The following NDST3 variants were observed in gnomAD, a reference collection of about 807,000 sequenced individuals.
The protein encoded by NDST3 is bifunctional heparan sulfate N-deacetylase/N-sulfotransferase 3.
Under a neutral mutation model 96.1 loss-of-function variants are expected in NDST3, and 58 were observed. The ratio of observed to expected loss-of-function variants is 0.60; its 90% CI spans 0.49 to 0.75. NDST3 has a LOEUF of 0.75. Ranked by LOEUF, NDST3 falls within the 30% of genes least tolerant of loss-of-function variation. The probability of loss-of-function intolerance (pLI) is 0.00; values close to 1 mark genes in which losing one functional copy is unlikely to be tolerated. For synonymous variants in NDST3, 333 were observed against 359.7 expected (o/e 0.93, Z 0.84); for missense variants, 788 against 1,034.2 (o/e 0.76, Z 3.27).
At chr4:118,195,102 C>T (rs1737580234) in intron 6 of NDST3, among the ~76,000 whole-genome samples, 1 of 152,156 alleles carries the variant, frequency 6.6e-6, no homozygotes, top group African/African-American at 2.4e-5. Flanking sequence ...GTGATATTGA[C>T]ATTTTAACAA....
intron 6 of NDST3, among the ~76,000 whole-genome samples, chr4:118,187,663 C>T (rs1737053580): frequency 1.3e-5 from 2 of 152,230 alleles, no homozygotes; most frequent in Admixed American, 6.5e-5. Flanking sequence ...TTGTTAGAGA[C>T]ATAAGCAAGA....
intron 6 of NDST3, among the ~76,000 whole-genome samples, chr4:118,190,027 A>G (rs1295025260): frequency 6.6e-6 from 1 of 152,010 alleles, no homozygotes; most frequent in African/African-American, 2.4e-5. Flanking sequence ...AACTAGATAA[A>G]AAAAATTTTA....
At chr4:118,152,569 A>T (rs1024770970) in intron 6 of NDST3, among the ~76,000 whole-genome samples, 23 of 152,166 alleles carry the variant, frequency 1.5e-4, no homozygotes, top group African/African-American at 5.3e-4. Context: ...TATTTTTCTG[A>T]TGAGGTCGCT....
intron 1 of NDST3, 72 bp from the exon 2 acceptor site, chr4:118,053,684 A>AG: frequency 2.2e-6 from 1 of 449,016 alleles, no homozygotes. Flanking sequence ...CACTTATGCT[A>AG]GTCAACAAGA....
At chr4:118,137,095 T>G (rs754007728) in intron 4 of NDST3, among the ~76,000 whole-genome samples, 7 of 152,194 alleles carry the variant, frequency 4.6e-5, no homozygotes, top group Non-Finnish European at 1.0e-4. Flanking sequence ...TTTCTGCAAT[T>G]TAAACCATTT....
chr4:118,084,276 T>C (rs1233946427), intron 2 of NDST3, among the ~76,000 whole-genome samples: 1 of 152,178 alleles, frequency 6.6e-6, no homozygotes, highest in Non-Finnish European at 1.5e-5. Context: ...GTTATTTGCT[T>C]CACTATAGTA....
At chr4:118,195,787 C>T (rs1379225160) in intron 6 of NDST3, among the ~76,000 whole-genome samples, 1 of 152,202 alleles carries the variant, frequency 6.6e-6, no homozygotes, top group Non-Finnish European at 1.5e-5. Context: ...AAGATACCAT[C>T]TGCAAACAAG....
Position 118,258,348 on chromosome 4 carries a change from T to C in NDST3, c.*2636T>C, listed in dbSNP as rs1248963100. On this transcript the variant is annotated 3_prime_UTR_variant, in exon 14 of 14. Coordinates refer to ENST00000296499, the MANE Select transcript of NDST3 (RefSeq NM_004784.3). The stretch of plus-strand genomic sequence containing the variant: ...ATACTCCAACTGGTTAATATGCTAA[T>C]CTGAAAGTAACATAAATACATATGA... 1 of 152,222 alleles carries C rather than the reference T, an allele frequency of 6.6e-6. No individual in the cohort carries two copies. Among genetic ancestry groups the C allele is most frequent in the Non-Finnish European group, 1.5e-5 (1 of 68,036 alleles). 9.4% of individuals were successfully genotyped at this position (152,222 alleles called of 1,614,324 possible). A position where few individuals can be genotyped will look rare whatever the true frequency, so the allele number is the denominator to read the frequency against.
At chr4:118,150,694 C>T (rs1734328156) in intron 6 of NDST3, among the ~76,000 whole-genome samples, 1 of 151,562 alleles carries the variant, frequency 6.6e-6, no homozygotes, top group Non-Finnish European at 1.5e-5. Context: ...GAGATACCAT[C>T]TCACACCAGT....
chr4:118,212,670 C>A (rs927853257), intron 6 of NDST3, among the ~76,000 whole-genome samples: 1 of 152,040 alleles, frequency 6.6e-6, no homozygotes, highest in Non-Finnish European at 1.5e-5. Flanking sequence ...TTAAAGTCTA[C>A]CTGATTTGGA....
intron 2 of NDST3, among the ~76,000 whole-genome samples, chr4:118,068,555 A>G (rs1450982072): frequency 6.6e-6 from 1 of 152,048 alleles, no homozygotes; most frequent in Non-Finnish European, 1.5e-5. Context: ...ATCACTTTAA[A>G]TGTTTGCTTA....
chr4:118,121,530 T>C (rs922580888), intron 4 of NDST3, among the ~76,000 whole-genome samples: 9 of 152,260 alleles, frequency 5.9e-5, no homozygotes, highest in East Asian at 1.9e-4. Context: ...TGGATGTAAG[T>C]AGACATACTG....
In NDST3 at chr4:118,258,315, C is replaced by T. The variant is rs941348490; in HGVS notation, c.*2603C>T. ...AATTCTAGAGGACATGCATACTTTC[C>T]ACATTATATACTCCAACTGGTTAAT... On this transcript the variant is annotated 3_prime_UTR_variant, in exon 14 of 14. Transcript: ENST00000296499. 2.0e-5 allele frequency: 3 copies of T among 152,164 alleles called. No homozygotes were observed. Among genetic ancestry groups the T allele is most frequent in the African/African-American group, 7.2e-5 (3 of 41,444 alleles). 9.4% of individuals were successfully genotyped at this position (152,164 alleles called of 1,614,324 possible). A position where few individuals can be genotyped will look rare whatever the true frequency, so the allele number is the denominator to read the frequency against.
chr4:118,058,452 C>G (rs1440878747), intron 2 of NDST3, among the ~76,000 whole-genome samples: 1 of 144,092 alleles, frequency 6.9e-6, no homozygotes, highest in African/African-American at 2.6e-5. Context: ...AAAAACAGAC[C>G]TAAGTTGAGG....
At chr4:118,099,927 C>G (rs1340101244) in intron 2 of NDST3, among the ~76,000 whole-genome samples, 1 of 151,988 alleles carries the variant, frequency 6.6e-6, no homozygotes, top group Non-Finnish European at 1.5e-5. Context: ...GCTCCAGTGT[C>G]CTGCAGTCCA....
chr4:118,054,989 G>A (rs1255718118), intron 2 of NDST3, 98 bp downstream of exon 2: 1 of 1,465,076 alleles, frequency 6.8e-7, no homozygotes, highest in South Asian at 1.1e-5. Context: ...CCAGGACATG[G>A]GATTTACTGG....
At chr4:118,096,378 A>G (rs563472687) in intron 2 of NDST3, among the ~76,000 whole-genome samples, 14 of 151,852 alleles carry the variant, frequency 9.2e-5, no homozygotes, top group Non-Finnish European at 1.9e-4. Flanking sequence ...TCTTCCCTAG[A>G]TTGGAGCTGT....
intron 2 of NDST3, among the ~76,000 whole-genome samples, chr4:118,064,579 A>G (rs954920175): frequency 6.6e-6 from 1 of 152,166 alleles, no homozygotes; most frequent in Non-Finnish European, 1.5e-5. Context: ...AATACATATT[A>G]GAATTTTACC....
At chr4:118,189,750 G>A (rs182015034) in intron 6 of NDST3, among the ~76,000 whole-genome samples, 43 of 152,036 alleles carry the variant, frequency 2.8e-4, no homozygotes, top group African/African-American at 7.7e-4. Flanking sequence ...ACTCAAAGGC[G>A]AACAAAGATA....
Sources: allele counts gnomAD v4.1 joint callset (sites outside exome capture counted in the v4.1 genomes callset), GRCh38; gene constraint gnomAD v4.1.1; transcripts MANE v1.5; gene names NCBI Gene and HGNC (gene_info 2026-07-23, HGNC 2026-07-21).